Variants in PTPRM observed in about 807,000 individuals in gnomAD.
PTPRM encodes the protein receptor-type tyrosine-protein phosphatase mu.
A neutral mutation model predicts 186.7 loss-of-function variants in PTPRM; 47 were observed. The observed-to-expected ratio is 0.25, with a 90% CI of 0.20 to 0.32. PTPRM has a LOEUF of 0.32. PTPRM is among the 10% of genes least tolerant of loss of function. The pLI, the probability that PTPRM is intolerant of heterozygous loss-of-function variation, is 1.00. For synonymous variants in PTPRM, 668 were observed against 674.9 expected, an observed-to-expected ratio of 0.99 and a Z score of 0.16; for missense variants, 1,494 against 1,865.0, an observed-to-expected ratio of 0.80 and a Z score of 3.66.
chr18:7,851,210 C>T (rs975048467), intron 2 of PTPRM, among the ~76,000 whole-genome samples: 1 of 152,114 alleles, frequency 6.6e-6, no homozygotes, highest in East Asian at 1.9e-4. Context: ...AAAGAATGTA[C>T]AAGCTGTATG....
chr18:7,767,336 C>G (rs528755647), intron 1 of PTPRM, among the ~76,000 whole-genome samples: 1 of 152,060 alleles, frequency 6.6e-6, no homozygotes, highest in Non-Finnish European at 1.5e-5. Flanking sequence ...TTAAAGTGTA[C>G]AGATGATTTA....
intron 1 of PTPRM, among the ~76,000 whole-genome samples, chr18:7,713,545 T>G (rs1291933915): frequency 6.6e-6 from 1 of 152,036 alleles, no homozygotes; most frequent in African/African-American, 2.4e-5. Flanking sequence ...GTAAACAGGT[T>G]AAATGCCCCA....
intron 1 of PTPRM, among the ~76,000 whole-genome samples, chr18:7,603,145 G>A (rs2037448801): frequency 6.6e-6 from 1 of 151,882 alleles, no homozygotes. Flanking sequence ...AGCTGGGATG[G>A]TCTCGATCTC....
chr18:8,370,867 A>G (rs550658864), intron 23 of PTPRM, 23 bp from the exon 24 acceptor site: 4 of 1,481,666 alleles, frequency 2.7e-6, no homozygotes, highest in South Asian at 2.4e-5. Context: ...GTAAACCCAT[A>G]ATTTCTTTTA....
At chr18:7,812,240 A>G (rs1310700784) in intron 2 of PTPRM, among the ~76,000 whole-genome samples, 1 of 151,770 alleles carries the variant, frequency 6.6e-6, no homozygotes, top group African/African-American at 2.4e-5. Context: ...TTTTTTCCTT[A>G]TTTCAGGTTT....
chr18:7,628,035 T>C (rs2038102544), intron 1 of PTPRM, among the ~76,000 whole-genome samples: 1 of 152,166 alleles, frequency 6.6e-6, no homozygotes, highest in Non-Finnish European at 1.5e-5. Flanking sequence ...ATGACAAAGA[T>C]ACCATTTCAA....
chr18:8,264,912 C>G (rs1457768100), intron 19 of PTPRM, among the ~76,000 whole-genome samples: 1 of 152,184 alleles, frequency 6.6e-6, no homozygotes, highest in African/African-American at 2.4e-5. Flanking sequence ...AAGTAACTCG[C>G]CCCAGGCTGT....
chr18:8,376,186 G>A lies in PTPRM; in HGVS notation c.3312G>A (p.Leu1104=). ...AGAGCCCGCCCAGTGCAGGCCCACT[G>A]GTGGTGCACTGCAGGTAAGCAGAGC... is the stretch of plus-strand genomic sequence containing the variant. ...KSKSPPSAGP[L]VVHCSAGAGR... Residue 1104 remains leucine (L), a synonymous_variant, in exon 25 of 33, where the codon CTG becomes CTA. Transcript: ENST00000580170. 1.2e-6 allele frequency: 2 copies of A among 1,612,154 alleles called. No homozygotes were observed. Among genetic ancestry groups the A allele is most frequent in the African/African-American group, 1.3e-5 (1 of 75,026 alleles).
chr18:7,948,966 T>C (rs1311962629), intron 5 of PTPRM, among the ~76,000 whole-genome samples: 10 of 152,206 alleles, frequency 6.6e-5, no homozygotes, highest in Admixed American at 6.5e-4. Flanking sequence ...GTCTTCACAC[T>C]TAATTTTGCA....
At chr18:8,129,829 C>T (rs2092459073) in intron 13 of PTPRM, among the ~76,000 whole-genome samples, 2 of 152,068 alleles carry the variant, frequency 1.3e-5, no homozygotes, top group Non-Finnish European at 2.9e-5. Context: ...AAATGATACC[C>T]CTTTTTGAAG....
intron 1 of PTPRM, among the ~76,000 whole-genome samples, chr18:7,666,110 A>G (rs184115376): frequency 6.6e-6 from 1 of 152,190 alleles, no homozygotes; most frequent in Non-Finnish European, 1.5e-5. Context: ...TTAATAAAGA[A>G]TGTTTCCATA....
At chr18:8,253,028 G>C (rs1282048876) in intron 18 of PTPRM, among the ~76,000 whole-genome samples, 199 bp from the exon 19 acceptor site, 1 of 152,200 alleles carries the variant, frequency 6.6e-6, no homozygotes, top group Non-Finnish European at 1.5e-5. Flanking sequence ...GTAAAAGAAA[G>C]ATTTCTGCGC....
intron 1 of PTPRM, among the ~76,000 whole-genome samples, chr18:7,726,094 C>G (rs866353689): frequency 1.3e-5 from 2 of 152,192 alleles, no homozygotes; most frequent in African/African-American, 4.8e-5. Flanking sequence ...TGCACTCCCC[C>G]TCCTGTGAGG....
chr18:8,178,111 A>C (rs2093513268), intron 14 of PTPRM, among the ~76,000 whole-genome samples: 1 of 152,164 alleles, frequency 6.6e-6, no homozygotes, highest in African/African-American at 2.4e-5. Context: ...CCAGTTTCAG[A>C]TGTTGGGTGC....
At chr18:7,965,315 G>C (rs980631357) in intron 7 of PTPRM, among the ~76,000 whole-genome samples, 1 of 152,070 alleles carries the variant, frequency 6.6e-6, no homozygotes, top group Non-Finnish European at 1.5e-5. Context: ...CAAAGTACTA[G>C]GATTACATGC....
chr18:7,937,422 A>T (rs563548675), intron 5 of PTPRM, among the ~76,000 whole-genome samples: 3 of 152,076 alleles, frequency 2.0e-5, no homozygotes, highest in Non-Finnish European at 2.9e-5. Context: ...TGCCCATCCC[A>T]CCACAGCCAG....
chr18:7,890,865 C>T (rs995837912), intron 3 of PTPRM, among the ~76,000 whole-genome samples: 1 of 152,076 alleles, frequency 6.6e-6, no homozygotes, highest in African/African-American at 2.4e-5. Context: ...TTTAATGATA[C>T]ATTTAAGGTT....
intron 19 of PTPRM, among the ~76,000 whole-genome samples, chr18:8,274,635 T>A (rs1197121787): frequency 3.3e-5 from 5 of 152,182 alleles, no homozygotes; most frequent in Admixed American, 6.5e-5. Flanking sequence ...TTTGTTAAAT[T>A]ATTAGACCTA....
At chr18:7,926,512 A>G in intron 4 of PTPRM, 56 bp from the exon 5 acceptor site, 2 of 1,373,886 alleles carry the variant, frequency 1.5e-6, no homozygotes, top group Non-Finnish European at 2.0e-6. Flanking sequence ...TGAAGAAGAC[A>G]TATATTAGTT....
Sources: allele counts gnomAD v4.1 joint callset (sites outside exome capture counted in the v4.1 genomes callset), GRCh38; gene constraint gnomAD v4.1.1; transcripts MANE v1.5; gene names NCBI Gene and HGNC (gene_info 2026-07-23, HGNC 2026-07-21).